LUZP2: variants seen among roughly 807,000 people sequenced by gnomAD.
LUZP2 encodes the protein leucine zipper protein 2.
LUZP2 carries 52 observed loss-of-function variants against 51.6 expected under a neutral mutation model. That is an observed-to-expected ratio of 1.01 (90% CI 0.81 to 1.27). The LOEUF (loss-of-function observed/expected upper bound fraction) is 1.27. Ranked by LOEUF, LUZP2 falls within the 50% of genes most tolerant of loss-of-function variation. The pLI, the probability that LUZP2 is intolerant of heterozygous loss-of-function variation, is 0.00. For missense variants in LUZP2, 436 were observed against 395.4 expected, an observed-to-expected ratio of 1.10 and a Z score of -0.87; for synonymous variants, 154 against 137.3, an observed-to-expected ratio of 1.12 and a Z score of -0.85.
At chr11:24,904,722 T>A (rs912347023) in intron 5 of LUZP2, among the ~76,000 whole-genome samples, 12 of 152,202 alleles carry the variant, frequency 7.9e-5, no homozygotes, top group African/African-American at 2.9e-4. Context: ...CTCTTCACTG[T>A]ATTGTTTTCT....
intron 5 of LUZP2, among the ~76,000 whole-genome samples, chr11:24,797,954 TG>T (rs1191075620): frequency 6.6e-6 from 1 of 152,140 alleles, no homozygotes; most frequent in Non-Finnish European, 1.5e-5. Flanking sequence ...AGCCTGTGTC[TG>T]ACATGATACT....
At chr11:24,909,511 A>C (rs1325931127) in intron 6 of LUZP2, among the ~76,000 whole-genome samples, 1 of 151,982 alleles carries the variant, frequency 6.6e-6, no homozygotes, top group East Asian at 1.9e-4. Flanking sequence ...AAAAAAAAAA[A>C]ACAAAAGAAG....
At chr11:24,602,010 A>G (rs942055034) in intron 1 of LUZP2, among the ~76,000 whole-genome samples, 3 of 141,126 alleles carry the variant, frequency 2.1e-5, no homozygotes, top group African/African-American at 5.2e-5. Flanking sequence ...ATATATATGT[A>G]TATATGTATA....
At chr11:24,601,877 C>T (rs796784437) in intron 1 of LUZP2, among the ~76,000 whole-genome samples, 14 of 50,362 alleles carry the variant, frequency 2.8e-4, no homozygotes, top group East Asian at 1.0e-3. Flanking sequence ...TATATGTATA[C>T]ATGTATATAT....
intron 7 of LUZP2, among the ~76,000 whole-genome samples, chr11:24,942,474 G>A (rs368786850): frequency 6.6e-6 from 1 of 152,244 alleles, no homozygotes; most frequent in East Asian, 1.9e-4. Context: ...TACTTTTCAT[G>A]TGCCTAGTTT....
chr11:24,733,763 C>A (rs573748480), intron 3 of LUZP2, among the ~76,000 whole-genome samples: 159 of 151,172 alleles, frequency 1.1e-3, no homozygotes, highest in Middle Eastern at 6.8e-3. Context: ...TTTAAAAAAA[C>A]CATGAAAAGA....
At chr11:24,566,466 C>G (rs1461149963) in intron 1 of LUZP2, among the ~76,000 whole-genome samples, 1 of 148,914 alleles carries the variant, frequency 6.7e-6, no homozygotes, top group Non-Finnish European at 1.5e-5. Context: ...GTAGCTGGGA[C>G]TACAGGCACG....
intron 7 of LUZP2, among the ~76,000 whole-genome samples, chr11:24,964,016 A>T (rs560601080): frequency 6.6e-6 from 1 of 152,320 alleles, no homozygotes; most frequent in Non-Finnish European, 1.5e-5. Flanking sequence ...TCTTTTGGAT[A>T]AATGCCCAGA....
chr11:24,800,909 A>G (rs1050234895), intron 5 of LUZP2, among the ~76,000 whole-genome samples: 1 of 152,102 alleles, frequency 6.6e-6, no homozygotes, highest in East Asian at 1.9e-4. Flanking sequence ...ATATGTCCAA[A>G]AGCTATTATG....
chr11:24,566,328 T>TA (rs1554955943), intron 1 of LUZP2, among the ~76,000 whole-genome samples: 85 of 36,356 alleles, frequency 2.3e-3, no homozygotes, highest in African/African-American at 4.7e-3. Context: ...ATTTATTTAT[T>TA]TTTTTTTTTT....
chr11:24,999,445 G>A (rs1419696460), intron 9 of LUZP2, among the ~76,000 whole-genome samples: 1 of 151,148 alleles, frequency 6.6e-6, no homozygotes, highest in African/African-American at 2.4e-5. Context: ...AGAAGGAGGA[G>A]AAGGAGAAAG....
At chr11:25,062,536 G>A (rs538171424) in intron 10 of LUZP2, among the ~76,000 whole-genome samples, 1 of 129,924 alleles carries the variant, frequency 7.7e-6, no homozygotes, top group Non-Finnish European at 1.6e-5. Context: ...GCTACAGTGA[G>A]CTATCATCAC....
At chr11:24,796,145 T>C (rs1186580533) in intron 5 of LUZP2, among the ~76,000 whole-genome samples, 1 of 152,142 alleles carries the variant, frequency 6.6e-6, no homozygotes, top group Non-Finnish European at 1.5e-5. Context: ...CACAATTTGG[T>C]GAATAACCTT....
chr11:24,984,374 A>G (rs1381066397), intron 9 of LUZP2, among the ~76,000 whole-genome samples: 2 of 151,078 alleles, frequency 1.3e-5, no homozygotes, highest in African/African-American at 2.4e-5. Flanking sequence ...TACTGTTTTT[A>G]TGTGTAACTA....
intron 5 of LUZP2, among the ~76,000 whole-genome samples, chr11:24,794,392 A>T (rs1849492546): frequency 6.6e-6 from 1 of 152,110 alleles, no homozygotes; most frequent in African/African-American, 2.4e-5. Flanking sequence ...AGTCTCTGCT[A>T]ATCTTTACTC....
At chr11:24,848,514 C>T (rs901268292) in intron 5 of LUZP2, among the ~76,000 whole-genome samples, 2 of 152,158 alleles carry the variant, frequency 1.3e-5, no homozygotes, top group African/African-American at 2.4e-5. Context: ...TTGCTACTTA[C>T]CCTTGAGCCC....
intron 5 of LUZP2, among the ~76,000 whole-genome samples, chr11:24,765,604 A>C (rs1174888867): frequency 8.9e-6 from 1 of 111,874 alleles, no homozygotes; most frequent in Admixed American, 8.7e-5. Context: ...GCAACACAAT[A>C]ATTTTTTCCT....
rs182336013 is a variant in LUZP2 at position 24,886,108 on chromosome 11, G to A, written c.397-19883G>A. 4.6e-5 allele frequency among the ~76,000 whole-genome samples: 7 copies of A among 152,104 alleles called. No individual in the cohort carries two copies. The East Asian group carries it at 7.7e-4, about 17-fold the overall frequency. ...TGTGTGTTCAATTCTATATCTTTCT[G>A]TAAAAATATGACTATTAAAGTAGAA... is the stretch of plus-strand genomic sequence containing the variant. On this transcript the variant is annotated intron_variant, in intron 5 of 11. Transcript: ENST00000336930.
chr11:24,886,336 G>A (rs1852665687), intron 5 of LUZP2, among the ~76,000 whole-genome samples: 1 of 152,078 alleles, frequency 6.6e-6, no homozygotes, highest in African/African-American at 2.4e-5. Flanking sequence ...TAGCCTAGGT[G>A]GCTGATTCAG....
Sources: gnomAD v4.1 joint callset for allele counts (sites outside exome capture counted in the v4.1 genomes callset) on GRCh38, gnomAD v4.1.1 for gene constraint, MANE v1.5 for transcripts, NCBI Gene and HGNC (gene_info 2026-07-23, HGNC 2026-07-21) for gene names.